RREB1: variants seen among roughly 807,000 people sequenced by gnomAD.
RREB1 encodes ras responsive element binding protein 1.
A neutral mutation model predicts 117.8 loss-of-function variants in RREB1; 27 were observed. The observed-to-expected ratio is 0.23, with a 90% CI of 0.17 to 0.32. The LOEUF is 0.32. Among genes scored for constraint, RREB1 ranks in the 10% least tolerant of loss-of-function variants. The probability of loss-of-function intolerance (pLI) is 1.00; values close to 1 mark genes in which losing one functional copy is unlikely to be tolerated. For missense variants in RREB1, 2,577 were observed against 2,378.2 expected (o/e 1.08, Z -1.74); for synonymous variants, 1,298 against 1,026.7 (o/e 1.26, Z -5.05).
chr6:7,207,407 C>G (rs1766337615), intron 6 of RREB1, among the ~76,000 whole-genome samples: 1 of 152,288 alleles, frequency 6.6e-6, no homozygotes, highest in Non-Finnish European at 1.5e-5. Context: ...GACTTTCTCA[C>G]CCTCGCCAGT....
At chr6:7,194,407 C>T (rs1046505894) in intron 6 of RREB1, among the ~76,000 whole-genome samples, 25 of 151,990 alleles carry the variant, frequency 1.6e-4, no homozygotes, top group African/African-American at 5.1e-4. Flanking sequence ...AAAAATTAGC[C>T]GGGTGTGGTG....
intron 1 of RREB1, among the ~76,000 whole-genome samples, chr6:7,156,172 A>T (rs1321010480): frequency 6.6e-6 from 1 of 152,178 alleles, no homozygotes; most frequent in Non-Finnish European, 1.5e-5. Context: ...CTTGTCTTGG[A>T]GTTTAGTAAT....
At chr6:7,210,758 T>C (rs1766532559) in intron 6 of RREB1, 46 bp from the exon 7 acceptor site, 1 of 1,541,470 alleles carries the variant, frequency 6.5e-7, no homozygotes, top group Non-Finnish European at 8.8e-7. Flanking sequence ...ATAAATGAAC[T>C]GACTTCTTTG....
At chr6:7,243,794 T>C (rs1289170219) in intron 11 of RREB1, among the ~76,000 whole-genome samples, 11 of 152,168 alleles carry the variant, frequency 7.2e-5, no homozygotes, top group Admixed American at 2.6e-4. Flanking sequence ...TTTGATCTTA[T>C]ATTTCTTTGG....
chr6:7,123,356 T>C, intron 1 of RREB1, among the ~76,000 whole-genome samples: 1 of 151,730 alleles, frequency 6.6e-6, no homozygotes, highest in Non-Finnish European at 1.5e-5. Context: ...GAGACAGGGT[T>C]TCACTGTGTT....
chr6:7,110,514 C>T (rs1261630163), intron 1 of RREB1, among the ~76,000 whole-genome samples: 1 of 98,562 alleles, frequency 1.0e-5, no homozygotes, highest in Non-Finnish European at 2.6e-5. Flanking sequence ...TTACCTCCGC[C>T]CTTTGGAGGG....
rs1296964112 is a variant in RREB1, at chr6:7,242,949, C to G, written c.3973+2347C>G. On this transcript the variant is annotated intron_variant, in intron 11 of 12. Transcript: ENST00000379938. ...TCACTGTCCTGGACAGAGAGGCAGC[C>G]TGGCCCCCTCTGCCCTTGAGGGATA... Among the ~76,000 whole-genome samples, 4 of 152,340 alleles carry G rather than the reference C, an allele frequency of 2.6e-5. No homozygotes were observed. The East Asian group carries it at 7.7e-4, about 29-fold the overall frequency.
At chr6:7,119,983 T>C (rs576395517) in intron 1 of RREB1, among the ~76,000 whole-genome samples, 1 of 152,054 alleles carries the variant, frequency 6.6e-6, no homozygotes, top group African/African-American at 2.4e-5. Flanking sequence ...GTCTCTGGCT[T>C]TTGCAGCTGA....
intron 1 of RREB1, among the ~76,000 whole-genome samples, chr6:7,120,354 T>A (rs549363164): frequency 1.4e-3 from 215 of 151,938 alleles, no homozygotes; most frequent in Admixed American, 2.4e-3. Context: ...CTCAGGAGAC[T>A]GAGGTGGGAG....
At position 7,230,886 on chromosome 6, in the gene RREB1, C is replaced by A; in HGVS notation, c.2787C>A (p.Asp929Glu). The change falls in exon 10 of 13, where the codon GAC becomes GAA. Residue 929 changes from aspartate (D) to glutamate (E), a missense_variant. Coordinates refer to ENST00000379938, the MANE Select transcript of RREB1 (RefSeq NM_001003699.4). ...FLSPSSLVPY[D>E]CSMEPIDLSI... ...GCCCTTCTTCCCTGGTCCCCTATGA[C>A]TGCTCCATGGAGCCCATCGACCTGT... 1 of 1,614,196 alleles carries A rather than the reference C, an allele frequency of 6.2e-7. No homozygotes were observed. The highest frequency in any genetic ancestry group is 1.1e-5 in the South Asian group (1 of 91,080).
At chr6:7,223,772 C>T (rs975064022) in intron 8 of RREB1, among the ~76,000 whole-genome samples, 2 of 152,132 alleles carry the variant, frequency 1.3e-5, no homozygotes, top group African/African-American at 4.8e-5. Context: ...GGAGCACATA[C>T]GAAAACTTTT....
intron 8 of RREB1, among the ~76,000 whole-genome samples, chr6:7,223,074 G>A (rs1767356841): frequency 6.6e-6 from 1 of 151,868 alleles, no homozygotes; most frequent in African/African-American, 2.4e-5. Flanking sequence ...AGGCAACATG[G>A]TGACACCATG....
At chr6:7,110,136 C>T (rs79978567) in intron 1 of RREB1, among the ~76,000 whole-genome samples, 81 of 152,204 alleles carry the variant, frequency 5.3e-4, no homozygotes, top group Non-Finnish European at 9.3e-4. Flanking sequence ...ATGTAGTGGA[C>T]CCTGCATGTG....
chr6:7,188,083 C>T (rs1165401465), intron 5 of RREB1, among the ~76,000 whole-genome samples: 2 of 152,188 alleles, frequency 1.3e-5, no homozygotes, highest in Non-Finnish European at 2.9e-5. Flanking sequence ...ACAGGAGAAT[C>T]ACTTGAACCC....
intron 6 of RREB1, among the ~76,000 whole-genome samples, chr6:7,189,996 T>C (rs762148832): frequency 6.6e-6 from 1 of 152,234 alleles, no homozygotes; most frequent in African/African-American, 2.4e-5. Context: ...TATTCTGCTT[T>C]CTTTTAAAAA....
At chr6:7,156,136 T>C (rs1424885063) in intron 1 of RREB1, among the ~76,000 whole-genome samples, 4 of 152,246 alleles carry the variant, frequency 2.6e-5, no homozygotes, top group African/African-American at 9.6e-5. Flanking sequence ...CTTAAGAGTC[T>C]AGACTTTTCG....
In RREB1 at chr6:7,230,064, G is replaced by T. The variant is rs548023559; in HGVS notation, c.1965G>T (p.Ser655=). ...TCTGCAACCAGGTGTTTGCCTTCTC[G>T]GGGGTCTTGCGTGCCCACGTGCGCT... is the stretch of plus-strand genomic sequence containing the variant. The part of the protein sequence containing the change: ...CRFCNQVFAF[S]GVLRAHVRSH... The change falls in exon 10 of 13, where the codon TCG becomes TCT. Residue 655 remains serine (S), a synonymous_variant. Transcript: ENST00000379938. The T allele has an allele frequency of 6.2e-7, 1 of 1,606,674 alleles. No homozygotes were observed. Among genetic ancestry groups the T allele is most frequent in the Non-Finnish European group, 8.5e-7 (1 of 1,175,350 alleles).
rs775790269 is a variant in RREB1 at position 7,229,894 on chromosome 6, G to T, written c.1795G>T (p.Asp599Tyr). The T allele has an allele frequency of 6.2e-7, 1 of 1,606,294 alleles. No individual in the cohort carries two copies. The highest frequency in any genetic ancestry group is 8.5e-7 in the Non-Finnish European group (1 of 1,174,846). The change falls in exon 10 of 13, where the codon GAC becomes TAC. Residue 599 changes from aspartate to tyrosine, a missense_variant. Asp to Tyr is a radical substitution (Grantham distance 160). Coordinates refer to ENST00000379938, the MANE Select transcript of RREB1 (RefSeq NM_001003699.4). The surrounding 1 kb of genome is among the most constrained non-coding windows in gnomAD (Gnocchi z 4.5). ...TGAGATGAAGACGCAGCTGGAGCAG[G>T]ACAGCATCATCGAGGCCCTGCTGCC... ...QPEMKTQLEQDSIIEALLPLS... is the reference protein window; with the variant it reads ...QPEMKTQLEQYSIIEALLPLS...
At chr6:7,165,567 A>T (rs572408549) in intron 1 of RREB1, among the ~76,000 whole-genome samples, 1 of 144,040 alleles carries the variant, frequency 6.9e-6, no homozygotes, top group Admixed American at 6.7e-5. Flanking sequence ...TTCCCATTAC[A>T]TACTGGGTTA....
Sources: gnomAD v4.1 joint callset for allele counts (sites outside exome capture counted in the v4.1 genomes callset) on GRCh38, gnomAD v4.1.1 for gene constraint, Gnocchi (gnomAD v3.1) non-coding constraint, MANE v1.5 for transcripts, NCBI Gene and HGNC (gene_info 2026-07-23, HGNC 2026-07-21) for gene names.